Variants in SLC35F3 observed in about 807,000 individuals in gnomAD.
The protein encoded by SLC35F3 is solute carrier family 35 member F3, also known as putative thiamine transporter SLC35F3.
A neutral mutation model predicts 49.9 loss-of-function variants in SLC35F3; 25 were observed. The ratio of observed to expected loss-of-function variants is 0.50; its 90% CI spans 0.37 to 0.70. The LOEUF (loss-of-function observed/expected upper bound fraction) is 0.70. Among genes scored for constraint, SLC35F3 ranks in the 30% least tolerant of loss-of-function variants. SLC35F3 has a pLI of 0.00. For missense variants in SLC35F3, 525 were observed against 639.8 expected (o/e 0.82, Z 1.94); for synonymous variants, 275 against 265.4 (o/e 1.04, Z -0.35).
intron 2 of SLC35F3, among the ~76,000 whole-genome samples, chr1:233,962,750 C>G (rs1029185735): frequency 6.6e-6 from 1 of 152,186 alleles, no homozygotes; most frequent in African/African-American, 2.4e-5. Context: ...TGTTTAACAT[C>G]TCAGGCAGAA....
intron 2 of SLC35F3, among the ~76,000 whole-genome samples, chr1:234,085,692 C>T (rs1007163457): frequency 6.6e-6 from 1 of 152,148 alleles, no homozygotes; most frequent in African/African-American, 2.4e-5. Context: ...CAGATCTTTT[C>T]TTCCCCTCCC....
At chr1:234,223,045 T>C (rs1413056884) in intron 2 of SLC35F3, among the ~76,000 whole-genome samples, 1 of 152,114 alleles carries the variant, frequency 6.6e-6, no homozygotes, top group East Asian at 1.9e-4. Context: ...GCGCTCTGCT[T>C]CCTCCCAAGA....
At chr1:234,068,829 A>G (rs1219962437) in intron 2 of SLC35F3, among the ~76,000 whole-genome samples, 1 of 108,326 alleles carries the variant, frequency 9.2e-6, no homozygotes, top group African/African-American at 3.4e-5. Flanking sequence ...GACATTATAT[A>G]TATATATATA....
At chr1:234,048,420 C>T (rs1304610747) in intron 2 of SLC35F3, among the ~76,000 whole-genome samples, 1 of 152,156 alleles carries the variant, frequency 6.6e-6, no homozygotes, top group Non-Finnish European at 1.5e-5. Flanking sequence ...CTGGCAGAGA[C>T]ACTGTCAGTA....
chr1:234,043,795 G>A (rs530157890), intron 2 of SLC35F3, among the ~76,000 whole-genome samples: 4 of 152,118 alleles, frequency 2.6e-5, no homozygotes, highest in Non-Finnish European at 5.9e-5. Flanking sequence ...TCTATACATA[G>A]CATTATGAAA....
intron 2 of SLC35F3, among the ~76,000 whole-genome samples, chr1:234,113,498 G>T (rs1162620817): frequency 6.6e-6 from 1 of 152,226 alleles, no homozygotes; most frequent in African/African-American, 2.4e-5. Context: ...ATATTAAATT[G>T]TTTAATTATA....
At chr1:233,984,897 T>G (rs1473569440) in intron 2 of SLC35F3, among the ~76,000 whole-genome samples, 1 of 152,210 alleles carries the variant, frequency 6.6e-6, no homozygotes, top group Non-Finnish European at 1.5e-5. Context: ...GGTTATTGTT[T>G]TAAGCTGCTA....
rs767561033 is a variant in SLC35F3 at position 234,231,636 on chromosome 1, C to A, written c.503C>A (p.Thr168Asn). The A allele has an allele frequency of 6.2e-7, 1 of 1,614,234 alleles. No homozygotes were observed. The highest frequency in any genetic ancestry group is 1.7e-5 in the Admixed American group (1 of 60,030). The change falls in exon 3 of 8, where the codon ACC becomes AAC. Residue 168 changes from threonine to asparagine, a missense_variant. By Grantham distance (65) the Thr-to-Asn change is moderately conservative. This residue lies in a region of SLC35F3 where 216 missense variants were observed against 298.1 expected (regional missense o/e 0.72). Coordinates refer to ENST00000366618, the MANE Select transcript of SLC35F3 (RefSeq NM_173508.4). This position sits in a 1 kb window ranked among gnomAD's most constrained non-coding sequence, Gnocchi z 5.4. ...TTCAGGAAGTTCGACGCGCCCTTCA[C>A]CCTCACGTGGTTTGCCACCAACTGG... ...LTFRKFDAPF[T>N]LTWFATNWNF...
At chr1:234,135,355 T>G (rs1665795529) in intron 2 of SLC35F3, among the ~76,000 whole-genome samples, 1 of 152,172 alleles carries the variant, frequency 6.6e-6, no homozygotes, top group Admixed American at 6.5e-5. Context: ...ATGCACCTAT[T>G]ATGTACCAAT....
intron 2 of SLC35F3, among the ~76,000 whole-genome samples, chr1:234,099,223 G>A (rs1161888891): frequency 2.0e-5 from 3 of 152,116 alleles, no homozygotes; most frequent in African/African-American, 7.2e-5. Flanking sequence ...AGTTTACTTA[G>A]CAGTGGTTTC....
In SLC35F3 at chr1:234,255,523, A is replaced by T. The variant is rs138015835; in HGVS notation, c.608+23782A>T. ...TTGGTGTTTACCCAAATGAGCTGAA[A>T]ACTTATATCCACACAAAAACCTGCA... On this transcript the variant is annotated intron_variant, in intron 3 of 7. Transcript: ENST00000366618. 4.4e-3 allele frequency among the ~76,000 whole-genome samples: 672 copies of T among 152,362 alleles called. 9 individuals are homozygous for T. Among genetic ancestry groups the T allele is most frequent in the Middle Eastern group, 0.017 (5 of 294 alleles).
intron 2 of SLC35F3, among the ~76,000 whole-genome samples, chr1:234,115,418 T>C (rs1392251956): frequency 6.6e-6 from 1 of 152,184 alleles, no homozygotes; most frequent in Non-Finnish European, 1.5e-5. Flanking sequence ...GGACCAATGC[T>C]TTGCCAACCC....
At chr1:233,939,197 A>G (rs952647192) in intron 2 of SLC35F3, among the ~76,000 whole-genome samples, 1 of 152,210 alleles carries the variant, frequency 6.6e-6, no homozygotes, top group African/African-American at 2.4e-5. Flanking sequence ...TACTCCTGTA[A>G]TCCCAGTACT....
chr1:234,322,044 C>A (rs972340856), intron 7 of SLC35F3, among the ~76,000 whole-genome samples: 1 of 149,796 alleles, frequency 6.7e-6, no homozygotes, highest in Non-Finnish European at 1.5e-5. Flanking sequence ...ATAATAATAA[C>A]AAAAATTAGC....
At chr1:234,070,714 T>C (rs1664699897) in intron 2 of SLC35F3, among the ~76,000 whole-genome samples, 1 of 151,852 alleles carries the variant, frequency 6.6e-6, no homozygotes, top group African/African-American at 2.4e-5. Flanking sequence ...TAACATCTTT[T>C]TCTGTTTTTC....
chr1:234,089,163 C>T (rs1285251830), intron 2 of SLC35F3, among the ~76,000 whole-genome samples: 3 of 152,178 alleles, frequency 2.0e-5, no homozygotes, highest in African/African-American at 7.2e-5. Flanking sequence ...ACCCAGGGCA[C>T]ACACTTTTCC....
chr1:234,097,993 A>C (rs1044639951), intron 2 of SLC35F3, among the ~76,000 whole-genome samples: 2 of 146,332 alleles, frequency 1.4e-5, no homozygotes, highest in Non-Finnish European at 3.0e-5. Context: ...TGGTGGTGGT[A>C]GTGACGGTGT....
At chr1:234,022,357 T>G (rs1257246044) in intron 2 of SLC35F3, among the ~76,000 whole-genome samples, 1 of 152,218 alleles carries the variant, frequency 6.6e-6, no homozygotes, top group Non-Finnish European at 1.5e-5. Flanking sequence ...TTGTGGAGGC[T>G]GGCAAGTTCA....
chr1:234,019,367 T>TGAGA lies in SLC35F3; in HGVS notation c.283+113618_283+113621dup, dbSNP rs10631137. ...TGTGCATGTATATGTGTGTGTGTAA[T>TGAGA]GAGAGAGAGAGACAGAGACAGAAAC... On this transcript the variant is annotated intron_variant, in intron 2 of 7. Transcript: ENST00000366618. 8.6e-5 allele frequency among the ~76,000 whole-genome samples: 13 copies of TGAGA among 151,736 alleles called. No homozygotes were observed. The East Asian group carries it at 2.1e-3, about 25-fold the overall frequency.
Sources: allele counts gnomAD v4.1 joint callset (sites outside exome capture counted in the v4.1 genomes callset), GRCh38; gene constraint gnomAD v4.1.1; regional missense constraint gnomAD v4.1.1; non-coding constraint Gnocchi (gnomAD v3.1); transcripts MANE v1.5; gene names NCBI Gene and HGNC (gene_info 2026-07-23, HGNC 2026-07-21).